RASL10B: variants seen among roughly 807,000 people sequenced by gnomAD.
RASL10B encodes the protein ras-like protein family member 10B.
In RASL10B, 10 loss-of-function variants were observed where a neutral mutation model predicts 20.7. That is an observed-to-expected ratio of 0.48 (90% confidence interval 0.30 to 0.82). The LOEUF is 0.82. Ranked by LOEUF, RASL10B falls within the 40% of genes least tolerant of loss-of-function variation. The pLI is 0.07. For missense variants in RASL10B, 231 were observed against 295.4 expected (o/e 0.78, Z 1.60); for synonymous variants, 110 against 123.3 (o/e 0.89, Z 0.72).
rs782158021 is a variant in RASL10B at position 35,735,259 on chromosome 17, G to A, written c.75G>A (p.Leu25=). 3.7e-6 allele frequency: 6 copies of A among 1,613,790 alleles called. No homozygotes were observed. Among genetic ancestry groups the A allele is most frequent in the Non-Finnish European group, 4.2e-6 (5 of 1,180,028 alleles). Residue 25 remains leucine (L), a synonymous_variant, in exon 2 of 4, where the codon TTG becomes TTA. Transcript: ENST00000603017. This position sits in a 1 kb window ranked among gnomAD's most constrained non-coding sequence, Gnocchi z 6.7. The part of the protein sequence containing the change: ...VGKSAIVRQF[L]YNEFSEVCVP... ...AGAGTGCCATCGTGCGCCAGTTCTT[G>A]TACAACGAGTTCAGCGAGGTCTGCG... is the stretch of plus-strand genomic sequence containing the variant.
At chr17:35,740,381 A>G in intron 2 of RASL10B, 28 bp from the exon 3 acceptor site, 1 of 1,609,682 alleles carries the variant, frequency 6.2e-7, no homozygotes, top group Non-Finnish European at 8.5e-7. Context: ...GGCTGCTCTG[A>G]CCCTGGTACT....
chr17:35,734,863 G>A (rs782489637), intron 1 of RASL10B, among the ~76,000 whole-genome samples, 175 bp from the exon 2 acceptor site: 1 of 152,148 alleles, frequency 6.6e-6, no homozygotes, highest in Non-Finnish European at 1.5e-5. Flanking sequence ...CTACTGGAAT[G>A]CAGGAAAAAA....
chr17:35,734,666 C>T lies in RASL10B; in HGVS notation c.-147-372C>T, dbSNP rs1444929226. On this transcript the variant is annotated intron_variant, in intron 1 of 3. Coordinates refer to ENST00000603017, the MANE Select transcript of RASL10B (RefSeq NM_033315.4). ...TGTCAGGAGTGCCAGCACTGAGACA[C>T]ACCTGCCCAGTCCCACCCATTCAGG... Among the ~76,000 whole-genome samples the T allele has an allele frequency of 3.3e-5, 5 of 152,208 alleles. No individual in the cohort carries two copies. In the East Asian group the frequency reaches 9.6e-4, roughly 29 times the overall value.
rs1029683044 is a variant in RASL10B at position 35,741,627 on chromosome 17, G to A, written c.*322G>A. The A allele has an allele frequency of 2.1e-5, 7 of 331,580 alleles. No individual in the cohort carries two copies. The highest frequency in any genetic ancestry group is 1.0e-4 in the Admixed American group (2 of 19,902). The allele number at this position is 331,580 out of a possible 1,614,324, so 20.5% of individuals were successfully genotyped here. A position where few individuals can be genotyped will look rare whatever the true frequency, so the allele number is the denominator to read the frequency against. ...CAATGGAGGCTGGGGGTGGCGAGGT[G>A]CCGCCTTGGCCGGGCCCCCACGTGT... is the stretch of plus-strand genomic sequence containing the variant. On this transcript the variant is annotated 3_prime_UTR_variant, in exon 4 of 4. Coordinates refer to ENST00000603017, the MANE Select transcript of RASL10B (RefSeq NM_033315.4).
At chr17:35,732,825 C>A (rs2085566679) in intron 1 of RASL10B, among the ~76,000 whole-genome samples, 1 of 152,174 alleles carries the variant, frequency 6.6e-6, no homozygotes, top group East Asian at 1.9e-4. Context: ...GGACTCCCCA[C>A]TCCCCACCTG....
chr17:35,735,331 C>T lies in RASL10B; in HGVS notation c.147C>T (p.Asn49=), dbSNP rs376963881. The T allele has an allele frequency of 1.9e-5, 30 of 1,614,072 alleles. No homozygotes were observed. The highest frequency in any genetic ancestry group is 1.2e-4 in the Admixed American group (7 of 60,010). Residue 49 remains asparagine (N), a synonymous_variant, in exon 2 of 4, where the codon AAC becomes AAT. Transcript: ENST00000603017. This position sits in a 1 kb window ranked among gnomAD's most constrained non-coding sequence, Gnocchi z 6.7. ...TTTACCTGCCTGCTGTCGTCATGAA[C>T]GGCCACGTGCACGACCTCCAGATCC... ...RRLYLPAVVM[N]GHVHDLQILD...
intron 2 of RASL10B, 129 bp from the exon 3 acceptor site, chr17:35,740,280 G>C (rs2085621312): frequency 8.3e-7 from 1 of 1,209,178 alleles, no homozygotes. Context: ...GTCTCCTGGG[G>C]ATGGTCGGGT....
chr17:35,741,109 C>T lies in RASL10B; in HGVS notation c.416C>T (p.Pro139Leu). Residue 139 changes from proline to leucine, a missense_variant, in exon 4 of 4, where the codon CCG becomes CTG. Coordinates refer to ENST00000603017, the MANE Select transcript of RASL10B (RefSeq NM_033315.4). ...GACCTGCAGCGCGGACGCGTGATCCCGCGCTGGAACGTGTCGCACCTGGTA... is the reference window on the plus strand; with the variant it reads ...GACCTGCAGCGCGGACGCGTGATCCTGCGCTGGAACGTGTCGCACCTGGTA... Reference protein sequence around the residue: ...KRDLQRGRVIPRWNVSHLVRK... With the variant: ...KRDLQRGRVILRWNVSHLVRK... The T allele has an allele frequency of 6.2e-7, 1 of 1,613,458 alleles. No individual in the cohort carries two copies. Among genetic ancestry groups the T allele is most frequent in the South Asian group, 1.1e-5 (1 of 91,076 alleles).
Position 35,741,289 on chromosome 17 carries a change from G to A in RASL10B, c.596G>A (p.Arg199His), listed in dbSNP as rs1397660851. Reference sequence around the variant, plus strand: ...TTCCAGGGCGCGCTGCGCCGCAACCGCTGCGCCATCATGTGACGCCTGCGC... The same window carrying A: ...TTCCAGGGCGCGCTGCGCCGCAACCACTGCGCCATCATGTGACGCCTGCGC... ...LRFQGALRRN[R>H]CAIM The change falls in exon 4 of 4, where the codon CGC becomes CAC. Residue 199 changes from arginine (R) to histidine (H), a missense_variant. Arg to His is a conservative substitution (Grantham distance 29, BLOSUM62 0). Coordinates refer to ENST00000603017, the MANE Select transcript of RASL10B (RefSeq NM_033315.4). 1.3e-6 allele frequency: 2 copies of A among 1,516,306 alleles called. No individual in the cohort carries two copies. Among genetic ancestry groups the A allele is most frequent in the Non-Finnish European group, 1.8e-6 (2 of 1,128,806 alleles). 93.9% of individuals were successfully genotyped at this position (1,516,306 alleles called of 1,614,324 possible).
At position 35,741,430 on chromosome 17, in the gene RASL10B, C is replaced by A; in HGVS notation, c.*125C>A. Reference sequence around the variant, plus strand: ...CGGTCCCGGCCTGAGGCCCCTGCAGCCACGCACCTCCCGGTGAGAAGCAGA... The same window carrying A: ...CGGTCCCGGCCTGAGGCCCCTGCAGACACGCACCTCCCGGTGAGAAGCAGA... On this transcript the variant is annotated 3_prime_UTR_variant, in exon 4 of 4. Coordinates refer to ENST00000603017, the MANE Select transcript of RASL10B (RefSeq NM_033315.4). 7.8e-7 allele frequency: 1 copy of A among 1,287,618 alleles called. No homozygotes were observed. Among genetic ancestry groups the A allele is most frequent in the Non-Finnish European group, 1.0e-6 (1 of 997,802 alleles). The allele number at this position is 1,287,618 out of a possible 1,614,324, so 79.8% of individuals were successfully genotyped here.
intron 3 of RASL10B, among the ~76,000 whole-genome samples, chr17:35,740,794 G>T (rs1555597816): frequency 6.6e-6 from 1 of 152,220 alleles, no homozygotes; most frequent in East Asian, 1.9e-4. Context: ...CCACTCAGCT[G>T]CATGACTTGA....
intron 3 of RASL10B, among the ~76,000 whole-genome samples, chr17:35,740,746 AGTT>A (rs1320228856): frequency 1.2e-4 from 18 of 152,238 alleles, no homozygotes; most frequent in African/African-American, 4.3e-4. Flanking sequence ...GTAGTGCAGT[AGTT>A]AAGAACTGGG....
rs970041252 is a variant in RASL10B, at chr17:35,735,969, C to T, written c.216+569C>T. 3.9e-5 allele frequency among the ~76,000 whole-genome samples: 6 copies of T among 152,200 alleles called. No individual in the cohort carries two copies. The highest frequency in any genetic ancestry group is 1.9e-4 in the East Asian group (1 of 5,184). On this transcript the variant is annotated intron_variant, in intron 2 of 3. Coordinates refer to ENST00000603017, the MANE Select transcript of RASL10B (RefSeq NM_033315.4). This position sits in a 1 kb window ranked among gnomAD's most constrained non-coding sequence, Gnocchi z 6.7. The stretch of plus-strand genomic sequence containing the variant: ...GGAGAAGGGACAGCAGCAGAACAGA[C>T]GGGGCCCTGGGAAAGGTGTGTTCTT...
rs2085642101 is a variant in RASL10B at position 35,743,282 on chromosome 17, C to T, written c.*1977C>T. On this transcript the variant is annotated 3_prime_UTR_variant, in exon 4 of 4. Transcript: ENST00000603017. ...TGGGGTGGGGGGGCGGAGCCCAGGC[C>T]TCTGGCTGCTCCCCTGTGGGAGCCA... 6.5e-6 allele frequency: 1 copy of T among 152,810 alleles called. No homozygotes were observed. The highest frequency in any genetic ancestry group is 6.5e-5 in the Admixed American group (1 of 15,296). 9.5% of individuals were successfully genotyped at this position (152,810 alleles called of 1,614,324 possible).
At chr17:35,733,222 A>G (rs1479176783) in intron 1 of RASL10B, among the ~76,000 whole-genome samples, 5 of 152,080 alleles carry the variant, frequency 3.3e-5, no homozygotes, top group Admixed American at 2.6e-4. Flanking sequence ...TGGGATTGCT[A>G]GGAGGTTCCA....
chr17:35,741,221 C>A lies in RASL10B; in HGVS notation c.528C>A (p.Ser176Arg). 6.2e-7 allele frequency: 1 copy of A among 1,610,310 alleles called. No homozygotes were observed. Among genetic ancestry groups the A allele is most frequent in the Non-Finnish European group, 8.5e-7 (1 of 1,178,590 alleles). ...ILLLFSELLK[S>R]VGCARCKHVH... ...TGCTCTTCAGCGAGCTGCTCAAGAG[C>A]GTCGGCTGCGCCCGTTGCAAGCACG... is the stretch of plus-strand genomic sequence containing the variant. The change falls in exon 4 of 4, where the codon AGC becomes AGA. Residue 176 changes from serine (S) to arginine (R), a missense_variant. Transcript: ENST00000603017.
Position 35,735,685 on chromosome 17 carries a change from A to G in RASL10B, c.216+285A>G, listed in dbSNP as rs1341553593. ...AAAAAATTTATGGAATTTGCTTTCA[A>G]GAAACTCATAGTCTGGTGAGAAAAG... On this transcript the variant is annotated intron_variant, in intron 2 of 3. Transcript: ENST00000603017. The surrounding 1 kb of genome is among the most constrained non-coding windows in gnomAD (Gnocchi z 6.7). Among the ~76,000 whole-genome samples, 1 of 152,262 alleles carries G rather than the reference A, an allele frequency of 6.6e-6. No homozygotes were observed. The highest frequency in any genetic ancestry group is 1.5e-5 in the Non-Finnish European group (1 of 68,050).
Position 35,735,056 on chromosome 17 carries a change from A to G in RASL10B, c.-129A>G. ...CCCACAGTCCAGGTGGAGGCCGCAGAGGGCCCAGGGCAAGCAGAGGCAGCA... is the reference window on the plus strand; with the variant it reads ...CCCACAGTCCAGGTGGAGGCCGCAGGGGGCCCAGGGCAAGCAGAGGCAGCA... On this transcript the variant is annotated 5_prime_UTR_variant, in exon 2 of 4. Coordinates refer to ENST00000603017, the MANE Select transcript of RASL10B (RefSeq NM_033315.4). The surrounding 1 kb of genome is among the most constrained non-coding windows in gnomAD (Gnocchi z 6.7). 1 of 917,778 alleles carries G rather than the reference A, an allele frequency of 1.1e-6. No homozygotes were observed. The highest frequency in any genetic ancestry group is 2.4e-5 in the East Asian group (1 of 40,848). 56.9% of individuals were successfully genotyped at this position (917,778 alleles called of 1,614,324 possible).
At chr17:35,732,989 A>G (rs910318722) in intron 1 of RASL10B, among the ~76,000 whole-genome samples, 2 of 152,178 alleles carry the variant, frequency 1.3e-5, no homozygotes, top group African/African-American at 4.8e-5. Context: ...GTAAGTGTAT[A>G]AACACCTGTT....
Sources: gnomAD v4.1 joint callset for allele counts (sites outside exome capture counted in the v4.1 genomes callset) on GRCh38, gnomAD v4.1.1 for gene constraint, Gnocchi (gnomAD v3.1) non-coding constraint, MANE v1.5 for transcripts, NCBI Gene and HGNC (gene_info 2026-07-23, HGNC 2026-07-21) for gene names.